FSTL5: variants seen among roughly 807,000 people sequenced by gnomAD.
FSTL5 encodes follistatin-related protein 5.
Under a neutral mutation model 89.1 loss-of-function variants are expected in FSTL5, and 62 were observed. That is an observed-to-expected ratio of 0.70 (90% confidence interval 0.57 to 0.86). The LOEUF is 0.86. Ranked by LOEUF, FSTL5 falls within the 40% of genes least tolerant of loss-of-function variation. The pLI, the probability that FSTL5 is intolerant of heterozygous loss-of-function variation, is 0.00. For missense variants in FSTL5, 1,057 were observed against 1,001.6 expected (o/e 1.06, Z -0.75); for synonymous variants, 383 against 346.2 (o/e 1.11, Z -1.18).
intron 2 of FSTL5, among the ~76,000 whole-genome samples, chr4:162,102,309 G>A (rs1423692572): frequency 6.6e-6 from 1 of 151,760 alleles, no homozygotes; most frequent in Admixed American, 6.6e-5. Flanking sequence ...TTAAATCCAT[G>A]TAGTTTTTCA....
intron 4 of FSTL5, among the ~76,000 whole-genome samples, chr4:161,840,955 T>G (rs1364659072): frequency 6.6e-6 from 1 of 152,150 alleles, no homozygotes; most frequent in Non-Finnish European, 1.5e-5. Flanking sequence ...TAGATAGAGA[T>G]AGCGCTATTT....
In FSTL5 at chr4:161,386,109, G is replaced by C. The variant is rs1730624022; in HGVS notation, c.2182C>G (p.Gln728Glu). ...TTTGTGTAAATATCAAAAGCCTCCT[G>C]TATTTCTCCTCTGATGGTAATGTAC... ...VQYITIRGEI[Q>E]EAFDIYTNLH... Residue 728 changes from glutamine to glutamate, a missense_variant, in exon 16 of 16, where the codon CAG becomes GAG. Physicochemically the swap from Gln to Glu is conservative, Grantham distance 29 (BLOSUM62 2). Transcript: ENST00000306100. The C allele has an allele frequency of 3.1e-6, 5 of 1,613,882 alleles. No homozygotes were observed. The East Asian group carries it at 1.1e-4, about 36-fold the overall frequency.
intron 15 of FSTL5, among the ~76,000 whole-genome samples, chr4:161,418,035 C>A (rs1252164167): frequency 6.6e-6 from 1 of 152,170 alleles, no homozygotes; most frequent in Non-Finnish European, 1.5e-5. Context: ...GGACTACTGA[C>A]TATGTGAAGC....
intron 4 of FSTL5, among the ~76,000 whole-genome samples, chr4:161,824,589 GT>G (rs1385404011): frequency 6.6e-6 from 1 of 152,000 alleles, no homozygotes; most frequent in Non-Finnish European, 1.5e-5. Flanking sequence ...GTTTCTATTT[GT>G]TTGTGTCATC....
intron 15 of FSTL5, among the ~76,000 whole-genome samples, chr4:161,420,737 T>C (rs1047902010): frequency 6.6e-6 from 1 of 151,032 alleles, no homozygotes; most frequent in African/African-American, 2.4e-5. Flanking sequence ...TTCAATACCA[T>C]ATATATGCCT....
chr4:161,491,567 A>G (rs369342133), intron 12 of FSTL5, among the ~76,000 whole-genome samples: 101 of 152,220 alleles, frequency 6.6e-4, no homozygotes, highest in Middle Eastern at 3.4e-3. Context: ...CAGGCTGGGC[A>G]TGGTGGCTCA....
intron 2 of FSTL5, among the ~76,000 whole-genome samples, chr4:162,068,219 A>G (rs993462627): frequency 6.6e-6 from 1 of 152,098 alleles, no homozygotes; most frequent in African/African-American, 2.4e-5. Context: ...TTTATGTGGA[A>G]CCAAAAGAGA....
intron 8 of FSTL5, among the ~76,000 whole-genome samples, chr4:161,550,647 T>C (rs1485744562): frequency 6.6e-6 from 1 of 151,734 alleles, no homozygotes; most frequent in Non-Finnish European, 1.5e-5. Context: ...GTTAGTTACA[T>C]ATGTTTACAT....
chr4:161,651,898 C>G (rs1736355341), intron 7 of FSTL5, among the ~76,000 whole-genome samples: 1 of 152,096 alleles, frequency 6.6e-6, no homozygotes. Flanking sequence ...TGAAAGTCTT[C>G]AAACATCAAT....
chr4:162,135,580 C>T (rs2111467578), intron 1 of FSTL5, among the ~76,000 whole-genome samples: 1 of 152,132 alleles, frequency 6.6e-6, no homozygotes, highest in Non-Finnish European at 1.5e-5. Flanking sequence ...TCCCTGGGTC[C>T]TTTTTAGCCT....
Position 161,931,197 on chromosome 4 carries a change from A to G in FSTL5, c.161-10545T>C, listed in dbSNP as rs369749571. Among the ~76,000 whole-genome samples the G allele has an allele frequency of 5.9e-5, 9 of 152,032 alleles. No homozygotes were observed. The South Asian group carries it at 1.4e-3, about 24-fold the overall frequency. ...ATGTTAGAGAATTAGGGAGAAGATG[A>G]TAATAGCCTTGCACAATATGTTTAG... On this transcript the variant is annotated intron_variant, in intron 3 of 15. Coordinates refer to ENST00000306100, the MANE Select transcript of FSTL5 (RefSeq NM_020116.5).
intron 14 of FSTL5, among the ~76,000 whole-genome samples, chr4:161,456,325 A>T (rs1311386489): frequency 1.3e-5 from 2 of 152,232 alleles, no homozygotes; most frequent in Non-Finnish European, 2.9e-5. Flanking sequence ...AATCCTTGAG[A>T]ATCCACCTGA....
intron 2 of FSTL5, among the ~76,000 whole-genome samples, chr4:162,087,876 T>A (rs1044333059): frequency 3.9e-5 from 6 of 152,266 alleles, no homozygotes; most frequent in African/African-American, 1.4e-4. Context: ...TCAGTTGAGG[T>A]TACAGCCATT....
intron 1 of FSTL5, among the ~76,000 whole-genome samples, chr4:162,119,705 C>G (rs1276949724): frequency 6.6e-6 from 1 of 152,152 alleles, no homozygotes; most frequent in African/African-American, 2.4e-5. Context: ...CTGTTTGAAA[C>G]TACATAATAT....
intron 3 of FSTL5, among the ~76,000 whole-genome samples, chr4:161,970,804 T>C (rs546058886): frequency 6.6e-6 from 1 of 152,116 alleles, no homozygotes; most frequent in African/African-American, 2.4e-5. Flanking sequence ...AGTCTCTGAA[T>C]TGCAAAAAAA....
chr4:161,845,227 G>T (rs1412440915), intron 4 of FSTL5, among the ~76,000 whole-genome samples: 1 of 152,114 alleles, frequency 6.6e-6, no homozygotes, highest in Non-Finnish European at 1.5e-5. Flanking sequence ...ATAACTGATT[G>T]CTAAATATCT....
chr4:161,873,567 C>CCTT (rs1732345489), intron 4 of FSTL5, among the ~76,000 whole-genome samples: 1 of 145,276 alleles, frequency 6.9e-6, no homozygotes, highest in African/African-American at 2.6e-5. Context: ...CTCTCTTCCT[C>CCTT]CATTTTTCCC....
At chr4:161,857,098 CA>C (rs2126886302) in intron 4 of FSTL5, among the ~76,000 whole-genome samples, 1 of 152,208 alleles carries the variant, frequency 6.6e-6, no homozygotes, top group East Asian at 1.9e-4. Flanking sequence ...TCAAAGGTGG[CA>C]GGGGCATTTG....
intron 15 of FSTL5, among the ~76,000 whole-genome samples, chr4:161,419,588 T>C (rs1488809420): frequency 2.0e-5 from 3 of 152,182 alleles, no homozygotes; most frequent in Admixed American, 2.0e-4. Context: ...GTTCTGAGAA[T>C]CTAATCTCCA....
Sources: allele counts gnomAD v4.1 joint callset (sites outside exome capture counted in the v4.1 genomes callset), GRCh38; gene constraint gnomAD v4.1.1; transcripts MANE v1.5; gene names NCBI Gene and HGNC (gene_info 2026-07-23, HGNC 2026-07-21).